COL14A1: variants seen among roughly 807,000 people sequenced by gnomAD.
COL14A1 encodes collagen alpha-1(XIV) chain.
Under a neutral mutation model 230.3 loss-of-function variants are expected in COL14A1, and 136 were observed. The observed-to-expected ratio is 0.59, with a 90% CI of 0.51 to 0.68. The LOEUF is 0.68. COL14A1 is among the 30% of genes least tolerant of loss of function. The pLI is 0.00. For missense variants in COL14A1, 1,976 were observed against 2,215.8 expected, an observed-to-expected ratio of 0.89 and a Z score of 2.17; for synonymous variants, 792 against 784.1, an observed-to-expected ratio of 1.01 and a Z score of -0.17.
At position 120,371,757 on chromosome 8, in the gene COL14A1, T is replaced by C; in HGVS notation, c.*526T>C. On this transcript the variant is annotated 3_prime_UTR_variant, in exon 48 of 48. Coordinates refer to ENST00000297848, the MANE Select transcript of COL14A1 (RefSeq NM_021110.4). Reference sequence around the variant, plus strand: ...TCCAACTCTGAGATCACTTGGTAACTGGTTTCATGTGTATCCAAAAATCAG... The same window carrying C: ...TCCAACTCTGAGATCACTTGGTAACCGGTTTCATGTGTATCCAAAAATCAG... 2.5e-6 allele frequency: 1 copy of C among 396,078 alleles called. No homozygotes were observed. The allele number at this position is 396,078 out of a possible 1,614,324, so 24.5% of individuals were successfully genotyped here.
chr8:120,321,745 A>T (rs1821452004), intron 40 of COL14A1, among the ~76,000 whole-genome samples: 1 of 152,166 alleles, frequency 6.6e-6, no homozygotes, highest in African/African-American at 2.4e-5. Flanking sequence ...ACTGTCCTTC[A>T]GCGTCGGCAC....
chr8:120,199,065 C>G (rs895234803), intron 7 of COL14A1, among the ~76,000 whole-genome samples: 8 of 152,188 alleles, frequency 5.3e-5, no homozygotes, highest in African/African-American at 1.7e-4. Context: ...TGATAACGCA[C>G]TACTGTGTGA....
At chr8:120,347,533 C>T (rs1196173959) in intron 45 of COL14A1, among the ~76,000 whole-genome samples, 1 of 152,118 alleles carries the variant, frequency 6.6e-6, no homozygotes, top group Admixed American at 6.5e-5. Context: ...TCAGCTGCAG[C>T]TTGGATTTGC....
Position 120,297,143 on chromosome 8 carries a change from A to C in COL14A1, c.4237-368A>C, listed in dbSNP as rs185381052. On this transcript the variant is annotated intron_variant, in intron 34 of 47. Transcript: ENST00000297848. The stretch of plus-strand genomic sequence containing the variant: ...GTAATGTAAATAATTGTGTAGTGGG[A>C]GGTGTGCTATAGAGGAGGCATATGG... Among the ~76,000 whole-genome samples the C allele has an allele frequency of 3.3e-3, 499 of 151,900 alleles. 2 individuals are homozygous for C. The highest frequency in any genetic ancestry group is 0.011 in the African/African-American group (456 of 41,446).
At chr8:120,209,964 T>G in intron 12 of COL14A1, 63 bp downstream of exon 12, 3 of 1,239,502 alleles carry the variant, frequency 2.4e-6, no homozygotes, top group Non-Finnish European at 3.1e-6. Flanking sequence ...AATAAAATTT[T>G]TATTGTAAAA....
chr8:120,174,125 A>T (rs944174120), intron 5 of COL14A1, among the ~76,000 whole-genome samples: 1 of 152,214 alleles, frequency 6.6e-6, no homozygotes, highest in African/African-American at 2.4e-5. Context: ...CCTTCCATCC[A>T]GTTTTACTTG....
intron 1 of COL14A1, among the ~76,000 whole-genome samples, chr8:120,133,230 T>TAAAAAAAAAAAAAAAAAAAAAA (rs201816439): frequency 8.7e-6 from 1 of 115,124 alleles, no homozygotes; most frequent in Non-Finnish European, 1.9e-5. Flanking sequence ...AAAAAAAAAA[T>TAAAAAAAAAAAAAAAAAAAAAA]AAAAAAAAAA....
At chr8:120,186,053 G>A (rs1280426835) in intron 5 of COL14A1, among the ~76,000 whole-genome samples, 5 of 152,164 alleles carry the variant, frequency 3.3e-5, no homozygotes, top group African/African-American at 7.2e-5. Context: ...GATTACAGGC[G>A]TGAGCCACCA....
chr8:120,187,684 C>T (rs1816691080), intron 5 of COL14A1, among the ~76,000 whole-genome samples: 1 of 152,172 alleles, frequency 6.6e-6, no homozygotes, highest in South Asian at 2.1e-4. Flanking sequence ...GGCAACTTCA[C>T]TATGAAAGTG....
At position 120,345,545 on chromosome 8, in the gene COL14A1, G is replaced by T; in HGVS notation, c.5059G>T (p.Gly1687Trp). 1 of 1,555,992 alleles carries T rather than the reference G, an allele frequency of 6.4e-7. No individual in the cohort carries two copies. Among genetic ancestry groups the T allele is most frequent in the South Asian group, 1.2e-5 (1 of 81,882 alleles). ...CTTCCCCGGAAATGCAGGCGTGCCA[G>T]GGACCCCAGGAGAACGAGGTAAGCT... ...PGFPGNAGVP[G>W]TPGERGLTGI... The change falls in exon 45 of 48, where the codon GGG (glycine) becomes TGG (tryptophan). Residue 1687 changes from glycine (G) to tryptophan (W), a missense_variant. Transcript: ENST00000297848.
chr8:120,163,945 A>T (rs183676993), intron 4 of COL14A1, among the ~76,000 whole-genome samples: 1 of 152,088 alleles, frequency 6.6e-6, no homozygotes, highest in African/African-American at 2.4e-5. Context: ...TATGAATCTT[A>T]TAGTCTAGTG....
At chr8:120,324,983 C>T (rs879420938) in intron 40 of COL14A1, among the ~76,000 whole-genome samples, 1 of 151,850 alleles carries the variant, frequency 6.6e-6, no homozygotes, top group Non-Finnish European at 1.5e-5. Context: ...AAAGCACATA[C>T]ATTTGTTCTA....
intron 5 of COL14A1, among the ~76,000 whole-genome samples, chr8:120,169,191 T>G (rs1451261243): frequency 6.6e-6 from 1 of 152,178 alleles, no homozygotes. Context: ...TAATGTTGTC[T>G]AATTTTCACT....
chr8:120,355,644 C>T (rs540139074), intron 45 of COL14A1, among the ~76,000 whole-genome samples: 58 of 152,150 alleles, frequency 3.8e-4, no homozygotes, highest in Non-Finnish European at 7.1e-4. Flanking sequence ...AACTCCTAAC[C>T]TCAACTGACA....
intron 36 of COL14A1, among the ~76,000 whole-genome samples, chr8:120,307,566 T>C (rs1820892071): frequency 6.6e-6 from 1 of 152,150 alleles, no homozygotes; most frequent in Admixed American, 6.5e-5. Flanking sequence ...TTCTACTCAT[T>C]AAAGAGAAAA....
At chr8:120,327,604 C>T (rs372467380) in intron 40 of COL14A1, among the ~76,000 whole-genome samples, 83 of 152,218 alleles carry the variant, frequency 5.5e-4, no homozygotes, top group African/African-American at 1.8e-3. Flanking sequence ...GATGTCTTTT[C>T]GACTTGCTTG....
chr8:120,318,761 A>C (rs146348639), intron 40 of COL14A1, among the ~76,000 whole-genome samples: 12 of 152,288 alleles, frequency 7.9e-5, no homozygotes, highest in African/African-American at 2.9e-4. Context: ...TAATTACAAC[A>C]ACAATAACAA....
chr8:120,345,481 T>A lies in COL14A1; in HGVS notation c.4995T>A (p.Pro1665=). 4 of 1,604,608 alleles carry A rather than the reference T, an allele frequency of 2.5e-6. No individual in the cohort carries two copies. The highest frequency in any genetic ancestry group is 2.6e-6 in the Non-Finnish European group (3 of 1,175,830). Residue 1665 remains proline, a synonymous_variant, in exon 45 of 48, where the codon CCT becomes CCA. Coordinates refer to ENST00000297848, the MANE Select transcript of COL14A1 (RefSeq NM_021110.4). Reference sequence around the variant, plus strand: ...GGGAGCCTGGGAGGCCAGGCTCACCTGGAGCCCCTGGTGAACAAGGACCCC... The same window carrying A: ...GGGAGCCTGGGAGGCCAGGCTCACCAGGAGCCCCTGGTGAACAAGGACCCC... ...PPGEPGRPGS[P]GAPGEQGPPG...
chr8:120,209,940 A>G lies in COL14A1; in HGVS notation c.1467+39A>G, dbSNP rs1817572054. 2.9e-6 allele frequency: 4 copies of G among 1,361,150 alleles called. No homozygotes were observed. In the African/African-American group the frequency reaches 4.5e-5, roughly 15 times the overall value. 84.3% of individuals were successfully genotyped at this position (1,361,150 alleles called of 1,614,324 possible). On this transcript the variant is annotated intron_variant, in intron 12 of 47. Transcript: ENST00000297848. ...ACCTATTACAGTCCTAGAATCTTTTATTTCCTTAAATAAAATAAAATTTTT... is the reference window on the plus strand; with the variant it reads ...ACCTATTACAGTCCTAGAATCTTTTGTTTCCTTAAATAAAATAAAATTTTT...
Sources: gnomAD v4.1 joint callset for allele counts (sites outside exome capture counted in the v4.1 genomes callset) on GRCh38, gnomAD v4.1.1 for gene constraint, MANE v1.5 for transcripts, NCBI Gene and HGNC (gene_info 2026-07-23, HGNC 2026-07-21) for gene names.